Variants in ESR1 observed in about 807,000 individuals in gnomAD.
ESR1 encodes estrogen receptor.
ESR1 carries 12 observed loss-of-function variants against 52.7 expected under a neutral mutation model. The observed-to-expected ratio is 0.23, with a 90% confidence interval of 0.15 to 0.37. The LOEUF (loss-of-function observed/expected upper bound fraction) is 0.37, where lower values mean the gene tolerates loss of function less well. Among genes scored for constraint, ESR1 ranks in the 10% least tolerant of loss-of-function variants. ESR1 has a pLI of 1.00. For missense variants in ESR1, 584 were observed against 779.7 expected (o/e 0.75, Z 2.99); for synonymous variants, 305 against 316.8 (o/e 0.96, Z 0.39).
chr6:151,756,481 T>G (rs1784295481), intron 2 of ESR1, among the ~76,000 whole-genome samples: 1 of 152,054 alleles, frequency 6.6e-6, no homozygotes, highest in Non-Finnish European at 1.5e-5. Context: ...CTCCTGACCT[T>G]GGCTTCCCAA....
rs1438789163 is a variant in ESR1 at position 151,952,206 on chromosome 6, A to G, written c.1096+7698A>G. Among the ~76,000 whole-genome samples, 3 of 152,198 alleles carry G rather than the reference A, an allele frequency of 2.0e-5. No individual in the cohort carries two copies. In the East Asian group the frequency reaches 5.8e-4, roughly 29 times the overall value. On this transcript the variant is annotated intron_variant, in intron 4 of 7. Transcript: ENST00000206249. ...ATTATCTAGCTTAGTAATTGTTTTAACAGATAAATAATAGTATCCCCTAAA... is the reference window on the plus strand; with the variant it reads ...ATTATCTAGCTTAGTAATTGTTTTAGCAGATAAATAATAGTATCCCCTAAA...
At position 152,034,194 on chromosome 6, in the gene ESR1, C is replaced by T. The variant is rs143639090; in HGVS notation, c.1235+22400C>T. On this transcript the variant is annotated intron_variant, in intron 5 of 7. Transcript: ENST00000206249. ...TAGGAGATACACCTAATGTAAATGACGAGTTAATGGGTGCAGCACACCAAC... is the reference window on the plus strand; with the variant it reads ...TAGGAGATACACCTAATGTAAATGATGAGTTAATGGGTGCAGCACACCAAC... 3.2e-3 allele frequency among the ~76,000 whole-genome samples: 490 copies of T among 151,706 alleles called. 2 individuals are homozygous for T. Among genetic ancestry groups the T allele is most frequent in the Middle Eastern group, 0.014 (4 of 292 alleles).
chr6:151,734,750 G>A (rs189130585), intron 2 of ESR1, among the ~76,000 whole-genome samples: 37 of 152,076 alleles, frequency 2.4e-4, no homozygotes, highest in Non-Finnish European at 4.3e-4. Flanking sequence ...AGCCTCCCGA[G>A]TAGCTGGGAT....
intron 1 of ESR1, among the ~76,000 whole-genome samples, chr6:151,829,910 A>G (rs1004393469): frequency 6.6e-6 from 1 of 152,168 alleles, no homozygotes; most frequent in Non-Finnish European, 1.5e-5. Context: ...TTTTCCTGAA[A>G]TTTGTCACAT....
intron 2 of ESR1, among the ~76,000 whole-genome samples, chr6:151,766,396 G>A (rs2128103276): frequency 6.6e-6 from 1 of 152,258 alleles, no homozygotes; most frequent in South Asian, 2.1e-4. Context: ...TAGGAGGATT[G>A]CTTGAGCCTG....
intron 2 of ESR1, among the ~76,000 whole-genome samples, chr6:151,876,605 G>A (rs1241257852): frequency 6.6e-6 from 1 of 152,124 alleles, no homozygotes; most frequent in East Asian, 1.9e-4. Flanking sequence ...CAGAAGAGAA[G>A]GAAAAAGAAC....
intron 2 of ESR1, among the ~76,000 whole-genome samples, chr6:151,773,461 G>C (rs1168148145): frequency 6.6e-6 from 1 of 152,212 alleles, no homozygotes; most frequent in African/African-American, 2.4e-5. Flanking sequence ...TGTGATCACA[G>C]TGAGGCCTTG....
intron 4 of ESR1, among the ~76,000 whole-genome samples, chr6:151,987,262 T>C (rs1390019457): frequency 6.6e-6 from 1 of 152,018 alleles, no homozygotes; most frequent in South Asian, 2.1e-4. Context: ...TTTTTTAAAA[T>C]TATTCTTTTG....
chr6:151,689,272 T>C (rs1490868918), upstream of ESR1, among the ~76,000 whole-genome samples: 1 of 152,198 alleles, frequency 6.6e-6, no homozygotes, highest in Admixed American at 6.5e-5. Context: ...GTTCAGAGCA[T>C]GTTATTCAAT....
rs2128002306 is a variant in ESR1 at position 151,713,472 on chromosome 6, C to CT, written c.-71+11474dup. ...GGATGTGAATCCATCTTGTCCTGGG[C>CT]TTTTTTTGGTTGGTAGGCTATTAAT... On this transcript the variant is annotated intron_variant, in intron 2 of 2. Coordinates refer to the ESR1 transcript ENST00000404742. Among the ~76,000 whole-genome samples the CT allele has an allele frequency of 2.0e-5, 3 of 152,158 alleles. No homozygotes were observed. In the East Asian group the frequency reaches 5.8e-4, roughly 29 times the overall value.
intron 4 of ESR1, among the ~76,000 whole-genome samples, chr6:151,996,273 G>C (rs1023443457): frequency 5.9e-5 from 9 of 152,066 alleles, no homozygotes; most frequent in Non-Finnish European, 2.9e-5. Context: ...GTTTGCCTAC[G>C]ATCCATTGAG....
At chr6:151,882,049 T>G (rs1037367124) in intron 3 of ESR1, among the ~76,000 whole-genome samples, 2 of 152,054 alleles carry the variant, frequency 1.3e-5, no homozygotes, top group Non-Finnish European at 2.9e-5. Context: ...GAGGTGAAGC[T>G]TGGGGTGATT....
chr6:151,817,890 T>C (rs1469735334), intron 1 of ESR1, among the ~76,000 whole-genome samples: 1 of 152,196 alleles, frequency 6.6e-6, no homozygotes, highest in Non-Finnish European at 1.5e-5. Flanking sequence ...CCTCTAGCAT[T>C]GTTGATACAG....
At chr6:152,112,585 CTA>C (rs1206946528) in intron 6 of ESR1, among the ~76,000 whole-genome samples, 2 of 152,214 alleles carry the variant, frequency 1.3e-5, no homozygotes, top group Non-Finnish European at 2.9e-5. Flanking sequence ...ACCAGCCAAA[CTA>C]TGTCACCATC....
At chr6:151,777,024 G>A (rs1786060480) in intron 2 of ESR1, among the ~76,000 whole-genome samples, 3 of 151,968 alleles carry the variant, frequency 2.0e-5, no homozygotes, top group Admixed American at 1.3e-4. Context: ...AATGGCATCT[G>A]AGAAAGGTTG....
upstream of ESR1, among the ~76,000 whole-genome samples, chr6:151,686,075 T>A (rs189810899): frequency 2.7e-5 from 4 of 146,824 alleles, no homozygotes; most frequent in East Asian, 8.5e-4. Flanking sequence ...TTTTTTTTTT[T>A]TTTTTTTTTT....
At chr6:151,798,293 G>T (rs569954351) in intron 2 of ESR1, among the ~76,000 whole-genome samples, 8 of 152,260 alleles carry the variant, frequency 5.3e-5, no homozygotes, top group African/African-American at 1.7e-4. Context: ...AAAGCCCTCA[G>T]TGAAGAGATG....
At chr6:151,923,427 G>T (rs573480353) in intron 3 of ESR1, among the ~76,000 whole-genome samples, 68 of 152,100 alleles carry the variant, frequency 4.5e-4, no homozygotes, top group African/African-American at 1.6e-3. Context: ...AGTTTCTATC[G>T]CTGTAGCATA....
chr6:151,773,152 G>A (rs1785653708), intron 2 of ESR1, among the ~76,000 whole-genome samples: 1 of 152,160 alleles, frequency 6.6e-6, no homozygotes, highest in Admixed American at 6.5e-5. Flanking sequence ...CTTATTAAAA[G>A]GGAAAATTTG....
Sources: allele counts gnomAD v4.1 joint callset (sites outside exome capture counted in the v4.1 genomes callset), GRCh38; gene constraint gnomAD v4.1.1; transcripts MANE v1.5; gene names NCBI Gene and HGNC (gene_info 2026-07-23, HGNC 2026-07-21).